Variants in LURAP1L observed in about 807,000 individuals in gnomAD.
LURAP1L encodes leucine rich adaptor protein 1 like.
LURAP1L carries 12 observed loss-of-function variants against 13.8 expected under a neutral mutation model. The observed-to-expected ratio is 0.87, with a 90% CI of 0.56 to 1.41. LURAP1L has a LOEUF of 1.41. Among genes scored for constraint, LURAP1L ranks in the 40% most tolerant of loss-of-function variants. The pLI, the probability that LURAP1L is intolerant of heterozygous loss-of-function variation, is 0.00. For synonymous variants in LURAP1L, 139 were observed against 119.2 expected (o/e 1.17, Z -1.08); for missense variants, 375 against 292.9 (o/e 1.28, Z -2.04).
At chr9:12,778,094 T>G (rs1018571914) in intron 1 of LURAP1L, among the ~76,000 whole-genome samples, 7 of 152,198 alleles carry the variant, frequency 4.6e-5, no homozygotes, top group African/African-American at 1.7e-4. Flanking sequence ...TTGTTGTTGT[T>G]TTTTGGAGAA....
At chr9:12,786,151 C>T (rs1325487207) in intron 1 of LURAP1L, among the ~76,000 whole-genome samples, 1 of 152,008 alleles carries the variant, frequency 6.6e-6, no homozygotes, top group Non-Finnish European at 1.5e-5. Flanking sequence ...TCATGCCTCA[C>T]CCACTTATGA....
chr9:12,818,472 A>C (rs6474735), intron 1 of LURAP1L, among the ~76,000 whole-genome samples: 1 of 151,788 alleles, frequency 6.6e-6, no homozygotes, highest in Non-Finnish European at 1.5e-5. Context: ...CCTTAAGATA[A>C]GGAAGAAATG....
chr9:12,803,968 G>A (rs1229934995), intron 1 of LURAP1L, among the ~76,000 whole-genome samples: 1 of 152,144 alleles, frequency 6.6e-6, no homozygotes, highest in Non-Finnish European at 1.5e-5. Context: ...CATACCATCT[G>A]AGACAGAAAC....
At chr9:12,813,104 AT>A (rs1231902568) in intron 1 of LURAP1L, among the ~76,000 whole-genome samples, 1 of 152,188 alleles carries the variant, frequency 6.6e-6, no homozygotes, top group African/African-American at 2.4e-5. Context: ...ACAAAATGCA[AT>A]CAATTAAGTA....
At chr9:12,776,564 G>GCAGC (rs2118447504) in intron 1 of LURAP1L, among the ~76,000 whole-genome samples, 1 of 152,142 alleles carries the variant, frequency 6.6e-6, no homozygotes, top group South Asian at 2.1e-4. Context: ...TCTTGGTGCA[G>GCAGC]CAGCCGCAGC....
intron 1 of LURAP1L, among the ~76,000 whole-genome samples, chr9:12,781,966 T>C (rs1276432943): frequency 6.6e-6 from 1 of 152,246 alleles, no homozygotes; most frequent in Non-Finnish European, 1.5e-5. Flanking sequence ...TGGGGTGAGA[T>C]AATATTTCAT....
At chr9:12,781,062 C>G (rs1464659625) in intron 1 of LURAP1L, among the ~76,000 whole-genome samples, 4 of 152,136 alleles carry the variant, frequency 2.6e-5, no homozygotes, top group Admixed American at 2.6e-4. Context: ...ACCTCTGCCT[C>G]CTAGGTTCAA....
intron 1 of LURAP1L, among the ~76,000 whole-genome samples, chr9:12,815,793 G>A (rs550009108): frequency 2.6e-5 from 4 of 152,262 alleles, no homozygotes; most frequent in East Asian, 3.9e-4. Context: ...CAGCTCATGT[G>A]CACATTTCAG....
At chr9:12,814,294 A>G (rs1819775925) in intron 1 of LURAP1L, 1 of 152,194 alleles carries the variant, frequency 6.6e-6, no homozygotes, top group Admixed American at 6.5e-5. Flanking sequence ...AATACTTACT[A>G]TAAATTAGTG....
intron 1 of LURAP1L, among the ~76,000 whole-genome samples, chr9:12,811,212 G>T (rs1563897535): frequency 6.6e-6 from 1 of 152,146 alleles, no homozygotes. Context: ...TAATAAAGTT[G>T]TCAATATTGA....
intron 1 of LURAP1L, among the ~76,000 whole-genome samples, chr9:12,806,684 A>C (rs1819661293): frequency 6.6e-6 from 1 of 152,136 alleles, no homozygotes; most frequent in South Asian, 2.1e-4. Flanking sequence ...AAATTTTGAA[A>C]ATTTTTGGTA....
intron 1 of LURAP1L, among the ~76,000 whole-genome samples, chr9:12,807,078 G>C (rs1245238484): frequency 9.9e-6 from 1 of 101,478 alleles, no homozygotes; most frequent in Non-Finnish European, 1.8e-5. Context: ...ACACGGCGAA[G>C]CCCTGTCTCT....
intron 1 of LURAP1L, among the ~76,000 whole-genome samples, chr9:12,785,643 G>T (rs1190599221): frequency 1.3e-5 from 2 of 152,154 alleles, no homozygotes; most frequent in Admixed American, 6.5e-5. Context: ...GTGACAGTTA[G>T]CACTGAGTTC....
At chr9:12,783,885 T>A (rs80189106) in intron 1 of LURAP1L, among the ~76,000 whole-genome samples, 5,741 of 151,398 alleles carry the variant, frequency 0.038, 359 homozygotes, top group African/African-American at 0.13. Flanking sequence ...TTTTATTTTG[T>A]CTCCCTCACT....
In LURAP1L at chr9:12,775,989, A is replaced by G. The variant is rs1687832208; in HGVS notation, c.274A>G (p.Arg92Gly). 1 of 1,609,912 alleles carries G rather than the reference A, an allele frequency of 6.2e-7. No individual in the cohort carries two copies. Among genetic ancestry groups the G allele is most frequent in the Non-Finnish European group, 8.5e-7 (1 of 1,178,506 alleles). The change falls in exon 1 of 2, where the codon AGG becomes GGG. Residue 92 changes from arginine (R) to glycine (G), a missense_variant. By Grantham distance (125) the Arg-to-Gly change is moderately radical. Transcript: ENST00000319264. ...PRGSHSSALE[R>G]LETKLHLLRQ... ...AGGTAGCCACTCTAGCGCCCTGGAG[A>G]GGCTAGAAACCAAGCTTCACCTCCT...
chr9:12,820,247 G>A (rs1819855062), intron 1 of LURAP1L, among the ~76,000 whole-genome samples: 1 of 151,888 alleles, frequency 6.6e-6, no homozygotes, highest in Admixed American at 6.6e-5. Flanking sequence ...GCTCACGCCT[G>A]TAATCCCAGC....
chr9:12,787,398 G>A (rs1819372153), intron 1 of LURAP1L, among the ~76,000 whole-genome samples: 1 of 152,112 alleles, frequency 6.6e-6, no homozygotes, highest in Non-Finnish European at 1.5e-5. Context: ...CTGTGACTTT[G>A]AATAGATTGT....
At chr9:12,818,410 A>C (rs7875509) in intron 1 of LURAP1L, among the ~76,000 whole-genome samples, 45,858 of 151,830 alleles carry the variant, frequency 0.3, 7,176 homozygotes, top group East Asian at 0.42. Context: ...GCTATTTCCA[A>C]AAATCAACCA....
chr9:12,807,449 A>C (rs1459437038), intron 1 of LURAP1L, among the ~76,000 whole-genome samples: 1 of 152,160 alleles, frequency 6.6e-6, no homozygotes, highest in African/African-American at 2.4e-5. Flanking sequence ...GAGACTATGT[A>C]GTTAACTAAA....
Sources: gnomAD v4.1 joint callset for allele counts (sites outside exome capture counted in the v4.1 genomes callset) on GRCh38, gnomAD v4.1.1 for gene constraint, MANE v1.5 for transcripts, NCBI Gene and HGNC (gene_info 2026-07-23, HGNC 2026-07-21) for gene names.